The following CACNA1E variants were observed in gnomAD, a reference collection of about 807,000 sequenced individuals.
The protein encoded by CACNA1E is calcium voltage-gated channel subunit alpha1 E, also known as voltage-dependent R-type calcium channel subunit alpha-1E.
In CACNA1E, 40 loss-of-function variants were observed where a neutral mutation model predicts 259.2. That is an observed-to-expected ratio of 0.15 (90% CI 0.12 to 0.20). The LOEUF (loss-of-function observed/expected upper bound fraction) is 0.20, where lower values mean the gene tolerates loss of function less well. Among genes scored for constraint, CACNA1E ranks in the 10% least tolerant of loss-of-function variants. The probability of loss-of-function intolerance (pLI) is 1.00; values close to 1 mark genes in which losing one functional copy is unlikely to be tolerated. For synonymous variants in CACNA1E, 1,104 were observed against 1,138.5 expected (o/e 0.97, Z 0.61); for missense variants, 1,874 against 3,040.1 (o/e 0.62, Z 9.02).
At chr1:181,362,306 A>T (rs1467061117) in intron 1 of CACNA1E, among the ~76,000 whole-genome samples, 1 of 152,214 alleles carries the variant, frequency 6.6e-6, no homozygotes, top group African/African-American at 2.4e-5. Context: ...TAGTAGGTGC[A>T]GAAATGGAAG....
intron 41 of CACNA1E, 30 bp downstream of exon 41, chr1:181,784,798 A>C (rs1660719374): frequency 7.6e-7 from 1 of 1,317,774 alleles, no homozygotes; most frequent in Non-Finnish European, 1.1e-6. Context: ...TATCCTTGTC[A>C]CTGTGGGCCC....
At chr1:181,492,394 T>C (rs1201876985) in intron 1 of CACNA1E, among the ~76,000 whole-genome samples, 7 of 152,208 alleles carry the variant, frequency 4.6e-5, no homozygotes, top group Admixed American at 4.6e-4. Context: ...CATTACCACT[T>C]TTTTTGTTCA....
At chr1:181,613,598 G>A (rs1654946593) in intron 6 of CACNA1E, among the ~76,000 whole-genome samples, 1 of 152,166 alleles carries the variant, frequency 6.6e-6, no homozygotes, top group Admixed American at 6.6e-5. Flanking sequence ...AAGACTGGCA[G>A]CTGGTGTTTA....
At chr1:181,640,069 G>A (rs959152012) in intron 6 of CACNA1E, among the ~76,000 whole-genome samples, 5 of 152,318 alleles carry the variant, frequency 3.3e-5, no homozygotes, top group African/African-American at 4.8e-5. Context: ...CTGACACAGT[G>A]ATTTCTATAA....
chr1:181,799,500 T>A lies in CACNA1E; in HGVS notation c.*666T>A, dbSNP rs541828287. 1 of 152,852 alleles carries A rather than the reference T, an allele frequency of 6.5e-6. No individual in the cohort carries two copies. The highest frequency in any genetic ancestry group is 1.5e-5 in the Non-Finnish European group (1 of 68,170). 9.5% of individuals were successfully genotyped at this position (152,852 alleles called of 1,614,324 possible). A position where few individuals can be genotyped will look rare whatever the true frequency, so the allele number is the denominator to read the frequency against. Reference sequence around the variant, plus strand: ...AGCCATAGCCCGGCAGCCCCTACCATGAGGGAGACAGAGAAACAGAACTGG... The same window carrying A: ...AGCCATAGCCCGGCAGCCCCTACCAAGAGGGAGACAGAGAAACAGAACTGG... On this transcript the variant is annotated 3_prime_UTR_variant, in exon 48 of 48. Coordinates refer to ENST00000367573, the MANE Select transcript of CACNA1E (RefSeq NM_001205293.3).
chr1:181,618,171 T>A (rs1418084595), intron 6 of CACNA1E, among the ~76,000 whole-genome samples: 2 of 152,164 alleles, frequency 1.3e-5, no homozygotes, highest in Admixed American at 6.5e-5. Flanking sequence ...GGGGACTAGA[T>A]GAACTAGAGA....
intron 7 of CACNA1E, among the ~76,000 whole-genome samples, chr1:181,702,985 A>AG (rs1266941922): frequency 1.3e-5 from 2 of 152,126 alleles, no homozygotes; most frequent in Non-Finnish European, 2.9e-5. Flanking sequence ...TTTTTTGAGA[A>AG]GGGGGTCTTA....
chr1:181,757,691 G>A (rs1300474247), intron 30 of CACNA1E, among the ~76,000 whole-genome samples: 1 of 152,164 alleles, frequency 6.6e-6, no homozygotes, highest in Non-Finnish European at 1.5e-5. Flanking sequence ...AAACAGCTCA[G>A]CCACATGCTG....
At chr1:181,573,416 A>G (rs1009966394) in intron 3 of CACNA1E, among the ~76,000 whole-genome samples, 1 of 152,200 alleles carries the variant, frequency 6.6e-6, no homozygotes, top group Non-Finnish European at 1.5e-5. Context: ...TACAAGGCCC[A>G]TAGTTTTGCT....
intron 2 of CACNA1E, among the ~76,000 whole-genome samples, chr1:181,442,389 C>T (rs563691737): frequency 2.7e-4 from 40 of 148,338 alleles, no homozygotes; most frequent in Admixed American, 2.7e-3. Flanking sequence ...GTAAGGGGCA[C>T]AGGTGTGGGG....
At chr1:181,463,878 C>T (rs1212243579) in intron 2 of CACNA1E, among the ~76,000 whole-genome samples, 1 of 151,998 alleles carries the variant, frequency 6.6e-6, no homozygotes, top group Non-Finnish European at 1.5e-5. Flanking sequence ...CTTCCACATA[C>T]TGAGATAAAA....
At chr1:181,339,933 G>A (rs886319928) in intron 1 of CACNA1E, among the ~76,000 whole-genome samples, 2 of 152,084 alleles carry the variant, frequency 1.3e-5, no homozygotes, top group African/African-American at 4.8e-5. Context: ...GCCTTTTGAA[G>A]GTGTTTATGT....
intron 1 of CACNA1E, among the ~76,000 whole-genome samples, chr1:181,503,180 T>G (rs1385994491): frequency 6.6e-6 from 1 of 152,230 alleles, no homozygotes; most frequent in East Asian, 1.9e-4. Context: ...GCACAAGGTC[T>G]TATGTCTTCG....
At chr1:181,785,538 C>T (rs773170519) in intron 42 of CACNA1E, 120 bp downstream of exon 42, 20 of 877,812 alleles carry the variant, frequency 2.3e-5, no homozygotes, top group East Asian at 1.0e-4. Flanking sequence ...GTAATGGGTG[C>T]GGGGCCCAAG....
chr1:181,756,568 A>C (rs1658106237), intron 29 of CACNA1E, among the ~76,000 whole-genome samples: 1 of 152,206 alleles, frequency 6.6e-6, no homozygotes, highest in Non-Finnish European at 1.5e-5. Flanking sequence ...GTTGAAAGCT[A>C]ATTTCTCAGA....
intron 2 of CACNA1E, among the ~76,000 whole-genome samples, chr1:181,470,835 A>T (rs540047596): frequency 6.6e-6 from 1 of 151,176 alleles, no homozygotes. Context: ...GGCCCTTGAA[A>T]CTCTCCTCAA....
chr1:181,629,414 G>T (rs1656492553), intron 6 of CACNA1E, among the ~76,000 whole-genome samples: 1 of 152,122 alleles, frequency 6.6e-6, no homozygotes, highest in Non-Finnish European at 1.5e-5. Flanking sequence ...AGTGTGAATT[G>T]TCTTACTTCA....
chr1:181,710,485 G>A (rs1398961212), intron 7 of CACNA1E, among the ~76,000 whole-genome samples: 3 of 152,122 alleles, frequency 2.0e-5, no homozygotes, highest in South Asian at 2.1e-4. Flanking sequence ...ATACTTCATA[G>A]GATGGTCGTG....
rs1391687824 is a variant in CACNA1E at position 181,806,784 on chromosome 1, A to G, written c.*7950A>G. 6.6e-6 allele frequency: 1 copy of G among 152,174 alleles called. No individual in the cohort carries two copies. Among genetic ancestry groups the G allele is most frequent in the Non-Finnish European group, 1.5e-5 (1 of 68,028 alleles). The allele number at this position is 152,174 out of a possible 1,614,324, so 9.4% of individuals were successfully genotyped here. A position where few individuals can be genotyped will look rare whatever the true frequency, so the allele number is the denominator to read the frequency against. ...AATAAATAAAACCTTGTTGTAAAGA[A>G]TGCATCGGCCTGATTTCCCTCACTT... On this transcript the variant is annotated 3_prime_UTR_variant, in exon 48 of 48. Transcript: ENST00000367573.
Sources: gnomAD v4.1 joint callset for allele counts (sites outside exome capture counted in the v4.1 genomes callset) on GRCh38, gnomAD v4.1.1 for gene constraint, MANE v1.5 for transcripts, NCBI Gene and HGNC (gene_info 2026-07-23, HGNC 2026-07-21) for gene names.